SP140: variants seen among roughly 807,000 people sequenced by gnomAD.
The protein encoded by SP140 is SP140 nuclear body protein, also known as nuclear body protein SP140.
Under a neutral mutation model 125.0 loss-of-function variants are expected in SP140, and 81 were observed. That is an observed-to-expected ratio of 0.65 (90% CI 0.54 to 0.78). SP140 has a LOEUF of 0.78. Among genes scored for constraint, SP140 ranks in the 30% least tolerant of loss-of-function variants. SP140 has a pLI of 0.00. For missense variants in SP140, 858 were observed against 1,037.0 expected, an observed-to-expected ratio of 0.83 and a Z score of 2.37; for synonymous variants, 312 against 354.0, an observed-to-expected ratio of 0.88 and a Z score of 1.33.
At chr2:230,281,275 C>T (rs1384862768) in intron 15 of SP140, among the ~76,000 whole-genome samples, 1 of 152,204 alleles carries the variant, frequency 6.6e-6, no homozygotes, top group Admixed American at 6.5e-5. Flanking sequence ...TTCTATTCAT[C>T]TATGCATTTC....
At chr2:230,235,183 G>A (rs2047790675) in intron 1 of SP140, 1 of 152,134 alleles carries the variant, frequency 6.6e-6, no homozygotes, top group Non-Finnish European at 1.5e-5. Context: ...TTTTAATTTT[G>A]CCTTTGGAAC....
chr2:230,277,856 T>C (rs916339352), intron 15 of SP140, among the ~76,000 whole-genome samples: 8 of 152,122 alleles, frequency 5.3e-5, no homozygotes, highest in Non-Finnish European at 1.0e-4. Context: ...AACTGTGTCT[T>C]ATCACATTTC....
chr2:230,213,416 C>T (rs1400643858), intron 1 of SP140, among the ~76,000 whole-genome samples: 10 of 152,080 alleles, frequency 6.6e-5, no homozygotes, highest in South Asian at 2.1e-4. Context: ...CATACTTCCC[C>T]GAAGCAAATA....
Position 230,248,885 on chromosome 2 carries a change from A to C in SP140, c.893A>C (p.Glu298Ala). 1 of 1,611,150 alleles carries C rather than the reference A, an allele frequency of 6.2e-7. No homozygotes were observed. Among genetic ancestry groups the C allele is most frequent in the Non-Finnish European group, 8.5e-7 (1 of 1,177,414 alleles). The change falls in exon 9 of 27, where the codon GAG becomes GCG. Residue 298 changes from glutamate to alanine, a missense_variant and splice_region_variant. Transcript: ENST00000392045. ...YQESPEGRDK[E>A]TFDLKTPQVT... ...CTGTCAATTTCTTGTTTATCTGCAG[A>C]GACCTTTGATCTAAAAACTCCCCAA...
upstream of SP140, among the ~76,000 whole-genome samples, chr2:230,198,600 T>C (rs2042984797): frequency 6.6e-6 from 1 of 152,138 alleles, no homozygotes; most frequent in African/African-American, 2.4e-5. Flanking sequence ...GATAGAATTT[T>C]TTTTTCTTTT....
upstream of SP140, chr2:230,200,813 C>T (rs1055427701): frequency 9.5e-6 from 11 of 1,157,412 alleles, no homozygotes; most frequent in African/African-American, 1.7e-4. Flanking sequence ...GAAATATTGC[C>T]TCAGTGTAAG....
upstream of SP140, among the ~76,000 whole-genome samples, chr2:230,223,899 T>C (rs1238100739): frequency 6.6e-6 from 1 of 152,116 alleles, no homozygotes; most frequent in East Asian, 1.9e-4. Context: ...TAAATCTGGA[T>C]GGGGGAACAG....
chr2:230,222,144 C>T (rs748639982), upstream of SP140, among the ~76,000 whole-genome samples: 5 of 151,484 alleles, frequency 3.3e-5, no homozygotes, highest in East Asian at 3.9e-4. Flanking sequence ...GCATGAGAAT[C>T]GCTTGAACTC....
chr2:230,301,304 T>C (rs1334562966), intron 22 of SP140, among the ~76,000 whole-genome samples: 3 of 152,086 alleles, frequency 2.0e-5, no homozygotes, highest in African/African-American at 7.2e-5. Flanking sequence ...ATCTGGAAAA[T>C]TCATCACAAA....
At chr2:230,245,281 AG>A (rs1160458033) in intron 6 of SP140, among the ~76,000 whole-genome samples, 8 of 152,132 alleles carry the variant, frequency 5.3e-5, no homozygotes, top group African/African-American at 1.9e-4. Flanking sequence ...AGAGAGCTTA[AG>A]GGTACAGAGT....
At chr2:230,229,946 T>C (rs1329399164) in intron 1 of SP140, among the ~76,000 whole-genome samples, 1 of 152,100 alleles carries the variant, frequency 6.6e-6, no homozygotes, top group Non-Finnish European at 1.5e-5. Flanking sequence ...TTGTTTTTTT[T>C]CCCTACCCCC....
At chr2:230,253,073 A>G (rs2050612095) in intron 10 of SP140, among the ~76,000 whole-genome samples, 1 of 152,160 alleles carries the variant, frequency 6.6e-6, no homozygotes, top group Admixed American at 6.5e-5. Context: ...ACATAGAAAC[A>G]GGAGGCAGGA....
At chr2:230,267,267 C>A (rs1002234993) in intron 12 of SP140, among the ~76,000 whole-genome samples, 1 of 152,136 alleles carries the variant, frequency 6.6e-6, no homozygotes, top group Admixed American at 6.5e-5. Context: ...CTCAAATCAT[C>A]CGTAGTGTAG....
intron 3 of SP140, chr2:230,216,868 C>A: frequency 6.2e-7 from 1 of 1,614,068 alleles, no homozygotes; most frequent in Non-Finnish European, 8.5e-7. Flanking sequence ...CGATCCCCAG[C>A]TTCTGGTGCA....
chr2:230,289,715 T>C (rs2056897359), intron 18 of SP140, among the ~76,000 whole-genome samples: 1 of 152,168 alleles, frequency 6.6e-6, no homozygotes, highest in African/African-American at 2.4e-5. Flanking sequence ...CGTCAAGTGA[T>C]CCACCTGCCT....
chr2:230,270,238 A>T (rs2053738615), intron 14 of SP140, among the ~76,000 whole-genome samples: 1 of 152,178 alleles, frequency 6.6e-6, no homozygotes, highest in Admixed American at 6.5e-5. Context: ...ATCTTCCATG[A>T]AGCCCAGGAT....
At chr2:230,262,815 G>C (rs753918522) in intron 12 of SP140, among the ~76,000 whole-genome samples, 1 of 152,158 alleles carries the variant, frequency 6.6e-6, no homozygotes, top group Non-Finnish European at 1.5e-5. Flanking sequence ...ACTGTGGTCT[G>C]AGAGAGTGCT....
At chr2:230,309,226 T>C (rs2059103934) in intron 22 of SP140, among the ~76,000 whole-genome samples, 1 of 152,222 alleles carries the variant, frequency 6.6e-6, no homozygotes, top group Non-Finnish European at 1.5e-5. Context: ...TTCAACACTG[T>C]ATGGTGCTGT....
At chr2:230,241,700 T>C (rs2048751997) in intron 4 of SP140, among the ~76,000 whole-genome samples, 1 of 152,118 alleles carries the variant, frequency 6.6e-6, no homozygotes, top group Non-Finnish European at 1.5e-5. Flanking sequence ...GGAGTCTCCA[T>C]TGGTGGAGAA....
Sources: allele counts gnomAD v4.1 joint callset (sites outside exome capture counted in the v4.1 genomes callset), GRCh38; gene constraint gnomAD v4.1.1; transcripts MANE v1.5; gene names NCBI Gene and HGNC (gene_info 2026-07-23, HGNC 2026-07-21).